The following SKP1 variants were observed in gnomAD, a reference collection of about 807,000 sequenced individuals.
The protein encoded by SKP1 is S-phase kinase associated protein 1.
In SKP1, 1 loss-of-function variant was observed where a neutral mutation model predicts 21.5. The observed-to-expected ratio is 0.05, with a 90% CI of 0.02 to 0.22. The LOEUF (loss-of-function observed/expected upper bound fraction) is 0.22, where lower values mean the gene tolerates loss of function less well. Ranked by LOEUF, SKP1 falls within the 10% of genes least tolerant of loss-of-function variation. The probability of loss-of-function intolerance (pLI) is 1.00; values close to 1 mark genes in which losing one functional copy is unlikely to be tolerated. For missense variants in SKP1, 70 were observed against 192.0 expected, an observed-to-expected ratio of 0.36 and a Z score of 3.76; for synonymous variants, 59 against 59.3, an observed-to-expected ratio of 0.99 and a Z score of 0.03.
At position 134,152,893 on chromosome 5, in the gene SKP1, C is replaced by G. The variant is rs1453771118; in HGVS notation, c.*4840G>C. On this transcript the variant is annotated 3_prime_UTR_variant, in exon 6 of 6. Coordinates refer to ENST00000353411, the MANE Select transcript of SKP1 (RefSeq NM_170679.3). The stretch of plus-strand genomic sequence containing the variant: ...TCCCTCCCAGCAGTATTTATGCCTT[C>G]TCTCCTGAACTACACCAAAAGCTCC... 2.6e-5 allele frequency: 4 copies of G among 152,224 alleles called. No homozygotes were observed. Among genetic ancestry groups the G allele is most frequent in the Non-Finnish European group, 5.9e-5 (4 of 68,054 alleles). 9.4% of individuals were successfully genotyped at this position (152,224 alleles called of 1,614,324 possible).
chr5:134,174,988 A>G (rs1262020968), intron 1 of SKP1: 1 of 152,252 alleles, frequency 6.6e-6, no homozygotes, highest in African/African-American at 2.4e-5. Flanking sequence ...TAAAAGGCCC[A>G]TGCTTCTCAA....
intron 3 of SKP1, among the ~76,000 whole-genome samples, chr5:134,163,320 G>A (rs916708027): frequency 1.3e-5 from 2 of 151,420 alleles, no homozygotes; most frequent in African/African-American, 4.9e-5. Context: ...GTTCACAACG[G>A]GTGGTGCCAG....
chr5:134,151,666 G>A lies in SKP1; in HGVS notation c.*6067C>T, dbSNP rs543994446. The A allele has an allele frequency of 3.6e-4, 165 of 456,212 alleles. 1 individual carries two copies. Among genetic ancestry groups the A allele is most frequent in the East Asian group, 2.7e-3 (39 of 14,402 alleles). The allele number at this position is 456,212 out of a possible 1,614,324, so 28.3% of individuals were successfully genotyped here. On this transcript the variant is annotated 3_prime_UTR_variant, in exon 6 of 6. Coordinates refer to ENST00000353411, the MANE Select transcript of SKP1 (RefSeq NM_170679.3). ...CTTAAATACTTCCAGAAAATTTAAAGTTGACAGATATCAGAAGGTCGCAAG... is the reference window on the plus strand; with the variant it reads ...CTTAAATACTTCCAGAAAATTTAAAATTGACAGATATCAGAAGGTCGCAAG...
At chr5:134,175,960 A>C (rs1237705914) in intron 1 of SKP1, among the ~76,000 whole-genome samples, 1 of 152,146 alleles carries the variant, frequency 6.6e-6, no homozygotes, top group African/African-American at 2.4e-5. Context: ...GCTTTAAGTG[A>C]CCCGAAATTC....
At chr5:134,161,264 A>G in intron 3 of SKP1, 134 bp from the exon 4 acceptor site, 1 of 694,456 alleles carries the variant, frequency 1.4e-6, no homozygotes, top group Non-Finnish European at 2.3e-6. Context: ...CCAAGCTTGA[A>G]AAACAAAAAT....
chr5:134,149,164 CAG>C lies in SKP1; in HGVS notation c.*8567_*8568del, dbSNP rs1453438997. 6.6e-6 allele frequency: 1 copy of C among 152,186 alleles called. No individual in the cohort carries two copies. Among genetic ancestry groups the C allele is most frequent in the African/African-American group, 2.4e-5 (1 of 41,412 alleles). 9.4% of individuals were successfully genotyped at this position (152,186 alleles called of 1,614,324 possible). A position where few individuals can be genotyped will look rare whatever the true frequency, so the allele number is the denominator to read the frequency against. ...GCTTTTAGTGTGCCTCTCACCCAAA[CAG>C]TGTACTGTGCACGTAAGTAGTGTAC... On this transcript the variant is annotated 3_prime_UTR_variant, in exon 6 of 6. Transcript: ENST00000353411.
chr5:134,176,503 A>G, intron 1 of SKP1: 1 of 152,472 alleles, frequency 6.6e-6, no homozygotes, highest in Non-Finnish European at 1.5e-5. Flanking sequence ...CCGGGACAGC[A>G]GGCTTAAGAC....
intron 1 of SKP1, among the ~76,000 whole-genome samples, chr5:134,174,223 A>G (rs1426866422): frequency 6.6e-6 from 1 of 152,232 alleles, no homozygotes; most frequent in Non-Finnish European, 1.5e-5. Context: ...TTTTCAAAGT[A>G]TAACTACTAG....
chr5:134,176,289 GC>G (rs1761544686), intron 1 of SKP1, among the ~76,000 whole-genome samples: 1 of 152,168 alleles, frequency 6.6e-6, no homozygotes, highest in African/African-American at 2.4e-5. Flanking sequence ...GCCGGCGCCC[GC>G]ACACGGTTAG....
At chr5:134,172,675 G>A (rs1013699338) in intron 2 of SKP1, among the ~76,000 whole-genome samples, 3 of 152,036 alleles carry the variant, frequency 2.0e-5, no homozygotes, top group South Asian at 2.1e-4. Flanking sequence ...TTGAGTCCAA[G>A]AGTGCGAGAA....
chr5:134,171,486 G>A (rs971729061), intron 2 of SKP1, among the ~76,000 whole-genome samples: 2 of 152,126 alleles, frequency 1.3e-5, no homozygotes, highest in African/African-American at 4.8e-5. Flanking sequence ...CTTATCTCTA[G>A]CAGTCTAACT....
intron 1 of SKP1, among the ~76,000 whole-genome samples, chr5:134,174,261 C>T (rs1201318143): frequency 6.6e-6 from 1 of 152,202 alleles, no homozygotes; most frequent in Non-Finnish European, 1.5e-5. Context: ...GCCTGCCCTA[C>T]TGAACTCACT....
intron 1 of SKP1, chr5:134,175,094 G>A (rs1435030939): frequency 1.3e-5 from 2 of 152,176 alleles, no homozygotes; most frequent in Non-Finnish European, 2.9e-5. Context: ...TCCCAAAAGT[G>A]TATCATTTGG....
chr5:134,162,642 T>G (rs1761241076), intron 3 of SKP1, among the ~76,000 whole-genome samples: 1 of 152,058 alleles, frequency 6.6e-6, no homozygotes, highest in Admixed American at 6.5e-5. Flanking sequence ...CCCCCTTGGC[T>G]TCCCAAAGTG....
rs908826392 is a variant in SKP1, at chr5:134,157,179, G to A, written c.*554C>T. The A allele has an allele frequency of 6.6e-6, 1 of 152,608 alleles. No homozygotes were observed. The allele number at this position is 152,608 out of a possible 1,614,324, so 9.5% of individuals were successfully genotyped here. A position where few individuals can be genotyped will look rare whatever the true frequency, so the allele number is the denominator to read the frequency against. On this transcript the variant is annotated 3_prime_UTR_variant, in exon 6 of 6. Transcript: ENST00000353411. ...TTAAAAATAAAGAAAAAGAAAACAA[G>A]TCCTCAGATGCAATGAAGGGAGCCC... is the stretch of plus-strand genomic sequence containing the variant.
chr5:134,169,595 T>C (rs75186127), intron 2 of SKP1, among the ~76,000 whole-genome samples: 7,229 of 152,288 alleles, frequency 0.047, 487 homozygotes, highest in African/African-American at 0.15. Context: ...CCGGGTGCAG[T>C]GGCTCACGCA....
chr5:134,165,747 G>A (rs1047282367), intron 3 of SKP1, among the ~76,000 whole-genome samples: 53 of 151,720 alleles, frequency 3.5e-4, no homozygotes, highest in African/African-American at 1.1e-3. Flanking sequence ...TTAGCCAGGC[G>A]TGGTGGCGAG....
rs1761005937 is a variant in SKP1, at chr5:134,149,456, A to G, written c.*8277T>C. On this transcript the variant is annotated 3_prime_UTR_variant, in exon 6 of 6. Coordinates refer to ENST00000353411, the MANE Select transcript of SKP1 (RefSeq NM_170679.3). ...ACATGTCAGGCAAGAAGTATTTCAC[A>G]TGGGACAGCCACTGGGCCACCATCA... 6.6e-6 allele frequency: 1 copy of G among 152,230 alleles called. No homozygotes were observed. The highest frequency in any genetic ancestry group is 2.4e-5 in the African/African-American group (1 of 41,464). The allele number at this position is 152,230 out of a possible 1,614,324, so 9.4% of individuals were successfully genotyped here. A position where few individuals can be genotyped will look rare whatever the true frequency, so the allele number is the denominator to read the frequency against.
intron 2 of SKP1, among the ~76,000 whole-genome samples, chr5:134,169,225 T>G (rs1761392700): frequency 6.6e-6 from 1 of 152,180 alleles, no homozygotes; most frequent in Non-Finnish European, 1.5e-5. Flanking sequence ...GCAGTTCCAG[T>G]GGAGCGGTAA....
Sources: allele counts gnomAD v4.1 joint callset (sites outside exome capture counted in the v4.1 genomes callset), GRCh38; gene constraint gnomAD v4.1.1; transcripts MANE v1.5; gene names NCBI Gene and HGNC (gene_info 2026-07-23, HGNC 2026-07-21).